RASAL2: variants seen among roughly 807,000 people sequenced by gnomAD.
The protein encoded by RASAL2 is ras GTPase-activating protein nGAP.
In RASAL2, 58 loss-of-function variants were observed where a neutral mutation model predicts 128.9. The ratio of observed to expected loss-of-function variants is 0.45; its 90% confidence interval spans 0.36 to 0.56. The LOEUF (loss-of-function observed/expected upper bound fraction) is 0.56. Ranked by LOEUF, RASAL2 falls within the 20% of genes least tolerant of loss-of-function variation. The pLI, the probability that RASAL2 is intolerant of heterozygous loss-of-function variation, is 0.00. For synonymous variants in RASAL2, 561 were observed against 580.8 expected (o/e 0.97, Z 0.49); for missense variants, 1,360 against 1,601.6 (o/e 0.85, Z 2.57).
intron 17 of RASAL2, among the ~76,000 whole-genome samples, chr1:178,469,735 G>A (rs970070280): frequency 1.3e-5 from 2 of 152,274 alleles, no homozygotes; most frequent in South Asian, 4.1e-4. Flanking sequence ...TGAATATCCA[G>A]CTCCTTCCAC....
intron 5 of RASAL2, among the ~76,000 whole-genome samples, chr1:178,431,936 A>G (rs1324181040): frequency 1.3e-5 from 2 of 149,460 alleles, no homozygotes; most frequent in East Asian, 1.9e-4. Flanking sequence ...TATATATTAC[A>G]TACTTTATAT....
intron 3 of RASAL2, among the ~76,000 whole-genome samples, chr1:178,325,289 C>T (rs767649260): frequency 5.9e-5 from 9 of 151,918 alleles, no homozygotes; most frequent in Non-Finnish European, 1.2e-4. Context: ...GAAGTAAAAG[C>T]GAGTGAATTA....
intron 1 of RASAL2, among the ~76,000 whole-genome samples, chr1:178,188,200 T>A (rs1255880557): frequency 6.6e-6 from 1 of 152,148 alleles, no homozygotes; most frequent in African/African-American, 2.4e-5. Flanking sequence ...TCTGGATCAT[T>A]TTCTCTTTGT....
intron 17 of RASAL2, 144 bp downstream of exon 17, chr1:178,467,565 G>A: frequency 1.5e-6 from 1 of 659,712 alleles, no homozygotes; most frequent in East Asian, 2.7e-5. Flanking sequence ...GATTAAATGA[G>A]TGTCTGTGTG....
In RASAL2 at chr1:178,454,501, A is replaced by G. The variant is rs983032238; in HGVS notation, c.2064A>G (p.Glu688=). The G allele has an allele frequency of 1.2e-6, 2 of 1,613,686 alleles. No individual in the cohort carries two copies. Among genetic ancestry groups the G allele is most frequent in the Non-Finnish European group, 1.7e-6 (2 of 1,179,624 alleles). The stretch of plus-strand genomic sequence containing the variant: ...TCATGAATGATTTTTTAGAACATGA[A>G]TGGGGTGGAATGAAGCGCTTTCTTT... The part of the protein sequence containing the change: ...MAFMNDFLEH[E]WGGMKRFLLE... The change falls in exon 12 of 18, where the codon GAA becomes GAG. Residue 688 remains glutamate, a synonymous_variant. Transcript: ENST00000367649.
chr1:178,422,646 T>C (rs1157431160), intron 5 of RASAL2, among the ~76,000 whole-genome samples: 2 of 152,236 alleles, frequency 1.3e-5, no homozygotes, highest in East Asian at 3.9e-4. Context: ...TTCTTTGAAT[T>C]AGTGCCCTTA....
At chr1:178,310,518 A>G (rs12022185) in intron 3 of RASAL2, among the ~76,000 whole-genome samples, 12,117 of 152,162 alleles carry the variant, frequency 0.08, 560 homozygotes, top group Middle Eastern at 0.14. Context: ...ACTAAAATCA[A>G]TTTTACTGTT....
chr1:178,207,825 A>T (rs140661117), intron 1 of RASAL2, among the ~76,000 whole-genome samples: 1 of 152,258 alleles, frequency 6.6e-6, no homozygotes, highest in Non-Finnish European at 1.5e-5. Context: ...TGATAAAAAC[A>T]TTAGAACTCT....
Position 178,423,715 on chromosome 1 carries a change from G to A in RASAL2, c.674+3095G>A, listed in dbSNP as rs554142987. On this transcript the variant is annotated intron_variant, in intron 5 of 17. Transcript: ENST00000367649. Reference sequence around the variant, plus strand: ...GTATTGCCTCTCTAAAAGATGGGATGGGGGGGGATTTCTTTGTTTTAATTT... The same window carrying A: ...GTATTGCCTCTCTAAAAGATGGGATAGGGGGGGATTTCTTTGTTTTAATTT... Among the ~76,000 whole-genome samples the A allele has an allele frequency of 4.6e-5, 7 of 151,564 alleles. No homozygotes were observed. The East Asian group carries it at 7.8e-4, about 17-fold the overall frequency.
intron 1 of RASAL2, 46 bp downstream of exon 1, chr1:178,094,740 C>G: frequency 6.2e-7 from 1 of 1,606,588 alleles, no homozygotes; most frequent in Non-Finnish European, 8.5e-7. Flanking sequence ...CCTATTTTTG[C>G]TTGGGCTGAA....
chr1:178,236,910 C>T (rs1176954299), intron 1 of RASAL2, among the ~76,000 whole-genome samples: 2 of 151,812 alleles, frequency 1.3e-5, no homozygotes, highest in Non-Finnish European at 2.9e-5. Flanking sequence ...ATTACGGGTG[C>T]ACAGCACCAA....
intron 4 of RASAL2, among the ~76,000 whole-genome samples, chr1:178,405,791 C>T (rs1673965955): frequency 6.6e-6 from 1 of 152,148 alleles, no homozygotes. Context: ...CAGTTGAAAA[C>T]TAATACAGTG....
At chr1:178,327,853 A>C (rs184540396) in intron 3 of RASAL2, among the ~76,000 whole-genome samples, 2 of 152,290 alleles carry the variant, frequency 1.3e-5, no homozygotes, top group East Asian at 3.9e-4. Context: ...AAATTTCCTC[A>C]TAAGAGACAG....
chr1:178,189,996 G>A (rs542385325), intron 1 of RASAL2, among the ~76,000 whole-genome samples: 109 of 152,132 alleles, frequency 7.2e-4, no homozygotes, highest in African/African-American at 2.6e-3. Context: ...ATGTCAAGGG[G>A]GCAAGGGTGT....
rs369880550 is a variant in RASAL2 at position 178,285,282 on chromosome 1, G to A, written c.330+1591G>A. On this transcript the variant is annotated intron_variant, in intron 2 of 17. Transcript: ENST00000367649. ...ACTACAGGCGCCCGCCACCGCGCCC[G>A]GCTAATTTTTTGTATTTTTAGTAGA... Among the ~76,000 whole-genome samples, 13 of 150,880 alleles carry A rather than the reference G, an allele frequency of 8.6e-5. No individual in the cohort carries two copies. In the East Asian group the frequency reaches 1.6e-3, roughly 18 times the overall value.
intron 1 of RASAL2, among the ~76,000 whole-genome samples, chr1:178,212,622 GGTGGGACTACAGGTAT>G (rs1352902423): frequency 6.6e-6 from 1 of 152,014 alleles, no homozygotes; most frequent in Non-Finnish European, 1.5e-5. Context: ...CTCCCGAGTA[GGTGGGACTACAGGTAT>G]GCACCACCAC....
chr1:178,465,895 TG>T (rs1647630550), intron 15 of RASAL2, 24 bp from the exon 16 acceptor site: 1 of 1,460,610 alleles, frequency 6.8e-7, no homozygotes, highest in African/African-American at 1.4e-5. Flanking sequence ...CTCTAGTTTT[TG>T]TCTCCTTGCC....
chr1:178,243,798 C>A (rs747455748), intron 1 of RASAL2, among the ~76,000 whole-genome samples: 6 of 152,070 alleles, frequency 3.9e-5, no homozygotes, highest in Non-Finnish European at 8.8e-5. Context: ...CAGAGTTCTT[C>A]TATGACTGTC....
In RASAL2 at chr1:178,454,470, TG is replaced by T. The variant is rs761996144; in HGVS notation, c.2035del (p.Ala679HisfsTer3). On this transcript the variant is annotated frameshift_variant, in exon 12 of 18. Transcript: ENST00000367649. LOFTEE classifies it high-confidence loss of function. ...FAKFGNKEEY[M>X]AFMNDFLEHE... The stretch of plus-strand genomic sequence containing the variant: ...AGGTTTGGTAACAAAGAGGAATACA[TG>T]GCATTCATGAATGATTTTTTAGAAC... The T allele has an allele frequency of 6.2e-7, 1 of 1,612,566 alleles. No individual in the cohort carries two copies. The highest frequency in any genetic ancestry group is 1.1e-5 in the South Asian group (1 of 91,024).
Sources: gnomAD v4.1 joint callset for allele counts (sites outside exome capture counted in the v4.1 genomes callset) on GRCh38, gnomAD v4.1.1 for gene constraint, MANE v1.5 for transcripts, NCBI Gene and HGNC (gene_info 2026-07-23, HGNC 2026-07-21) for gene names.